EEA1: variants seen among roughly 807,000 people sequenced by gnomAD.
EEA1 encodes the protein early endosome antigen 1.
A neutral mutation model predicts 209.2 loss-of-function variants in EEA1; 111 were observed. That is an observed-to-expected ratio of 0.53 (90% CI 0.45 to 0.62). The LOEUF (loss-of-function observed/expected upper bound fraction) is 0.62. EEA1 is among the 20% of genes least tolerant of loss of function. The pLI is 0.00. For synonymous variants in EEA1, 536 were observed against 540.6 expected (o/e 0.99, Z 0.12); for missense variants, 1,343 against 1,530.8 (o/e 0.88, Z 2.05).
At chr12:92,824,274 C>A (rs1481464589) in intron 13 of EEA1, among the ~76,000 whole-genome samples, 1 of 152,154 alleles carries the variant, frequency 6.6e-6, no homozygotes, top group African/African-American at 2.4e-5. Context: ...ATCCAAGCTA[C>A]ATCATTTCTT....
chr12:92,784,473 T>C (rs573713889), intron 22 of EEA1, among the ~76,000 whole-genome samples: 19 of 152,244 alleles, frequency 1.2e-4, no homozygotes, highest in Middle Eastern at 3.4e-3. Flanking sequence ...GATCTAATGT[T>C]TAAAAATACC....
chr12:92,806,660 A>C (rs573445617), intron 18 of EEA1, among the ~76,000 whole-genome samples: 83 of 152,362 alleles, frequency 5.4e-4, no homozygotes, highest in African/African-American at 1.9e-3. Context: ...TCAAAACCTG[A>C]CAATGATATT....
chr12:92,808,868 C>G, intron 18 of EEA1, 149 bp downstream of exon 18: 3 of 595,970 alleles, frequency 5.0e-6, no homozygotes, highest in Non-Finnish European at 7.6e-6. Flanking sequence ...TTTTTTCATT[C>G]ACATTAACAT....
chr12:92,825,319 C>T (rs1876241128), intron 13 of EEA1, among the ~76,000 whole-genome samples: 1 of 152,072 alleles, frequency 6.6e-6, no homozygotes, highest in East Asian at 1.9e-4. Flanking sequence ...GGCACGGTGG[C>T]GGACGCCTGT....
chr12:92,780,913 C>A (rs1417202871), intron 23 of EEA1, among the ~76,000 whole-genome samples: 1 of 152,066 alleles, frequency 6.6e-6, no homozygotes, highest in African/African-American at 2.4e-5. Flanking sequence ...AACAACAGTT[C>A]TTTTTCTTTT....
In EEA1 at chr12:92,775,221, T is replaced by C. The variant is rs1204455682; in HGVS notation, c.*790A>G. On this transcript the variant is annotated 3_prime_UTR_variant, in exon 29 of 29. Coordinates refer to ENST00000322349, the MANE Select transcript of EEA1 (RefSeq NM_003566.4). ...CTGACAGCGAGGGTAAGAAGCTTTC[T>C]AAGATTCTAAATGGACAATGCGTGG... is the stretch of plus-strand genomic sequence containing the variant. 6 of 151,810 alleles carry C rather than the reference T, an allele frequency of 4.0e-5. No homozygotes were observed. The highest frequency in any genetic ancestry group is 1.4e-4 in the African/African-American group (6 of 41,524). The allele number at this position is 151,810 out of a possible 1,614,324, so 9.4% of individuals were successfully genotyped here. A position where few individuals can be genotyped will look rare whatever the true frequency, so the allele number is the denominator to read the frequency against.
intron 1 of EEA1, among the ~76,000 whole-genome samples, chr12:92,915,249 T>G (rs904688490): frequency 4.6e-5 from 7 of 152,100 alleles, no homozygotes; most frequent in Non-Finnish European, 1.0e-4. Context: ...AGAGCATCAC[T>G]TGAGCCAAGG....
intron 21 of EEA1, among the ~76,000 whole-genome samples, chr12:92,798,293 A>T (rs1335448776): frequency 6.6e-6 from 1 of 152,102 alleles, no homozygotes; most frequent in Non-Finnish European, 1.5e-5. Context: ...AAATTTTTCT[A>T]ATACACGATG....
At chr12:92,806,133 A>G (rs1555200243) in intron 18 of EEA1, among the ~76,000 whole-genome samples, 3 of 152,208 alleles carry the variant, frequency 2.0e-5, no homozygotes, top group Non-Finnish European at 2.9e-5. Flanking sequence ...TTTAAAAGCT[A>G]TTAAAAAAAA....
chr12:92,776,170 A>G, intron 28 of EEA1, 37 bp from the exon 29 acceptor site: 1 of 1,571,482 alleles, frequency 6.4e-7, no homozygotes, highest in South Asian at 1.2e-5. Flanking sequence ...TCAAGAATAA[A>G]AACTATACCA....
intron 14 of EEA1, among the ~76,000 whole-genome samples, chr12:92,818,284 A>G (rs1875887075): frequency 6.6e-6 from 1 of 152,098 alleles, no homozygotes. Flanking sequence ...CAGTCTGGAA[A>G]ATGTCTCTGG....
chr12:92,857,532 T>C, intron 3 of EEA1, 47 bp from the exon 4 acceptor site: 1 of 1,271,094 alleles, frequency 7.9e-7, no homozygotes. Context: ...GTCCTTTAAT[T>C]AACAAACTGG....
At position 92,778,098 on chromosome 12, in the gene EEA1, A is replaced by G. The variant is rs781182648; in HGVS notation, c.3736T>C (p.Leu1246=). The change falls in exon 26 of 29, where the codon TTA becomes CTA. Residue 1246 remains leucine (L), a synonymous_variant. Coordinates refer to ENST00000322349, the MANE Select transcript of EEA1 (RefSeq NM_003566.4). ...EAKLTMQITA[L]NENLGTVKKE... Reference sequence around the variant, plus strand: ...TTCACAGTGCCTAAGTTTTCATTTAATGCTGTAATCTGCATGGTAAGTTTA... The same window carrying G: ...TTCACAGTGCCTAAGTTTTCATTTAGTGCTGTAATCTGCATGGTAAGTTTA... The G allele has an allele frequency of 5.0e-6, 8 of 1,613,440 alleles. No homozygotes were observed. The Admixed American group carries it at 1.3e-4, about 27-fold the overall frequency.
At chr12:92,795,513 A>G (rs1874619751) in intron 21 of EEA1, among the ~76,000 whole-genome samples, 1 of 152,214 alleles carries the variant, frequency 6.6e-6, no homozygotes, top group African/African-American at 2.4e-5. Flanking sequence ...TTGAATGACA[A>G]ATAGACTGGA....
At chr12:92,904,279 A>G (rs1880278436) in intron 1 of EEA1, among the ~76,000 whole-genome samples, 2 of 152,184 alleles carry the variant, frequency 1.3e-5, no homozygotes, top group African/African-American at 4.8e-5. Context: ...TCCGATTTTT[A>G]AAAAACCATT....
At chr12:92,839,734 A>G (rs143262683) in intron 10 of EEA1, among the ~76,000 whole-genome samples, 652 of 152,298 alleles carry the variant, frequency 4.3e-3, no homozygotes, top group Admixed American at 8.2e-3. Context: ...TTTCGATATG[A>G]CAAGTGTCCA....
intron 13 of EEA1, among the ~76,000 whole-genome samples, chr12:92,823,673 C>T (rs1213515090): frequency 1.3e-5 from 2 of 152,182 alleles, no homozygotes; most frequent in Admixed American, 6.5e-5. Context: ...TGCCTGGCCC[C>T]TCTTTCATCC....
At chr12:92,817,461 G>A (rs1167830335) in intron 14 of EEA1, among the ~76,000 whole-genome samples, 1 of 151,998 alleles carries the variant, frequency 6.6e-6, no homozygotes, top group Admixed American at 6.6e-5. Flanking sequence ...CCAGGCTCAA[G>A]TGATCCTTTC....
intron 2 of EEA1, among the ~76,000 whole-genome samples, chr12:92,869,482 G>A (rs934873961): frequency 3.3e-5 from 5 of 151,374 alleles, no homozygotes; most frequent in South Asian, 4.2e-4. Flanking sequence ...AGTTGTTCAC[G>A]CCCATAATCC....
Sources: allele counts gnomAD v4.1 joint callset (sites outside exome capture counted in the v4.1 genomes callset), GRCh38; gene constraint gnomAD v4.1.1; transcripts MANE v1.5; gene names NCBI Gene and HGNC (gene_info 2026-07-23, HGNC 2026-07-21).